Variants in AGO1 observed in about 807,000 individuals in gnomAD.
The protein encoded by AGO1 is argonaute RISC component 1, also known as protein argonaute-1.
Under a neutral mutation model 109.2 loss-of-function variants are expected in AGO1, and 11 were observed. The ratio of observed to expected loss-of-function variants is 0.10; its 90% CI spans 0.06 to 0.17. The LOEUF (loss-of-function observed/expected upper bound fraction) is 0.17. Ranked by LOEUF, AGO1 falls within the 10% of genes least tolerant of loss-of-function variation. The pLI is 1.00. For missense variants in AGO1, 574 were observed against 1,140.3 expected, an observed-to-expected ratio of 0.50 and a Z score of 7.15; for synonymous variants, 422 against 418.6, an observed-to-expected ratio of 1.01 and a Z score of -0.10.
chr1:35,914,148 A>AGC, intron 13 of AGO1, 36 bp from the exon 14 acceptor site: 1 of 1,607,366 alleles, frequency 6.2e-7, no homozygotes, highest in Non-Finnish European at 8.5e-7. Context: ...GAGAAGACCC[A>AGC]GCGCCTCACC....
chr1:35,908,816 C>CTTTTT (rs397861392), intron 12 of AGO1, among the ~76,000 whole-genome samples: 7 of 131,360 alleles, frequency 5.3e-5, no homozygotes, highest in Admixed American at 7.7e-5. Flanking sequence ...TCTAACCTTC[C>CTTTTT]TTTTTTTTTT....
chr1:35,874,193 C>T (rs1370014556), intron 1 of AGO1, among the ~76,000 whole-genome samples: 1 of 152,144 alleles, frequency 6.6e-6, no homozygotes, highest in African/African-American at 2.4e-5. Flanking sequence ...GAGACAGGGT[C>T]TCATTCTGTC....
At chr1:35,909,687 T>G (rs1645597824) in intron 12 of AGO1, among the ~76,000 whole-genome samples, 1 of 152,226 alleles carries the variant, frequency 6.6e-6, no homozygotes. Context: ...ACTACCTTAC[T>G]TGATACTTTG....
rs1037229267 is a variant in AGO1 at position 35,893,099 on chromosome 1, C to T, written c.333C>T (p.Val111=). ...CCCTTTCTTTCACCCTCCTGAAGGTCGACTTTGAGGTGACAATCCCTGGGG... is the reference window on the plus strand; with the variant it reads ...CCCTTTCTTTCACCCTCCTGAAGGTTGACTTTGAGGTGACAATCCCTGGGG... ...VTALPIGNER[V]DFEVTIPGEG... is the part of the protein sequence containing the mutation. The change falls in exon 4 of 19, where the codon GTC becomes GTT. Residue 111 remains valine (V), a splice_region_variant and synonymous_variant. Coordinates refer to ENST00000373204, the MANE Select transcript of AGO1 (RefSeq NM_012199.5). The surrounding 1 kb of genome is among the most constrained non-coding windows in gnomAD (Gnocchi z 5.6). 54 of 1,613,504 alleles carry T rather than the reference C, an allele frequency of 3.3e-5. No homozygotes were observed. Among genetic ancestry groups the T allele is most frequent in the Non-Finnish European group, 4.1e-5 (48 of 1,179,754 alleles).
chr1:35,883,174 G>C, upstream of AGO1: 1 of 1,151,426 alleles, frequency 8.7e-7, no homozygotes, highest in Non-Finnish European at 1.1e-6. The surrounding 1 kb of genome is among the most constrained non-coding windows in gnomAD (Gnocchi z 5.4). Flanking sequence ...GACTCGTTCC[G>C]GTCCGCCCCC....
At chr1:35,892,171 C>G (rs144339695) in intron 2 of AGO1, among the ~76,000 whole-genome samples, 1 of 152,226 alleles carries the variant, frequency 6.6e-6, no homozygotes, top group Non-Finnish European at 1.5e-5. Context: ...AGGTGTGAGC[C>G]ACCATACTTA....
chr1:35,915,635 G>C, intron 15 of AGO1, 93 bp downstream of exon 15: 6 of 1,216,546 alleles, frequency 4.9e-6, no homozygotes, highest in Non-Finnish European at 6.9e-6. Flanking sequence ...TGAGAGGTGT[G>C]TCACTTCTTA....
At chr1:35,895,670 A>G (rs1388731410) in intron 8 of AGO1, among the ~76,000 whole-genome samples, 2 of 152,168 alleles carry the variant, frequency 1.3e-5, no homozygotes, top group Non-Finnish European at 2.9e-5. Flanking sequence ...AATGTAAATC[A>G]TGTTTCTCCA....
At chr1:35,912,083 C>T (rs552440146) in intron 12 of AGO1, among the ~76,000 whole-genome samples, 2 of 152,192 alleles carry the variant, frequency 1.3e-5, no homozygotes, top group South Asian at 4.1e-4. Context: ...TTCGGCCGGG[C>T]GCGGTGGCTC....
chr1:35,891,868 C>CT (rs957515153), intron 2 of AGO1, among the ~76,000 whole-genome samples: 17 of 148,982 alleles, frequency 1.1e-4, no homozygotes, highest in South Asian at 2.2e-4. Context: ...CCTGGCCATC[C>CT]TTTTTTTTTG....
In AGO1 at chr1:35,924,395, T is replaced by C. The variant is rs1472929518; in HGVS notation, c.*4788T>C. On this transcript the variant is annotated 3_prime_UTR_variant, in exon 19 of 19. Transcript: ENST00000373204. ...TTTAGGTGAGAATAATACTGTAGAT[T>C]GTTATGCAGGAATACTTCACAGAGC... 9.2e-5 allele frequency: 14 copies of C among 152,564 alleles called. No homozygotes were observed. Among genetic ancestry groups the C allele is most frequent in the Admixed American group, 9.2e-4 (14 of 15,284 alleles). The allele number at this position is 152,564 out of a possible 1,614,324, so 9.5% of individuals were successfully genotyped here.
At chr1:35,877,125 G>A (rs1187489746) in intron 1 of AGO1, among the ~76,000 whole-genome samples, 3 of 152,220 alleles carry the variant, frequency 2.0e-5, no homozygotes, top group East Asian at 1.9e-4. Context: ...GGGTCAGTTC[G>A]GTTTCAGGCT....
intron 8 of AGO1, among the ~76,000 whole-genome samples, chr1:35,895,914 G>A (rs1323494072): frequency 6.6e-6 from 1 of 152,188 alleles, no homozygotes; most frequent in Non-Finnish European, 1.5e-5. Context: ...CTCAAAAAGT[G>A]TGGTCATGTG....
chr1:35,895,892 C>T (rs560029961), intron 8 of AGO1, among the ~76,000 whole-genome samples: 3 of 152,292 alleles, frequency 2.0e-5, no homozygotes, highest in South Asian at 2.1e-4. Flanking sequence ...TTCATTGTCT[C>T]GTCCAATGCT....
intron 7 of AGO1, 111 bp downstream of exon 7, chr1:35,894,513 A>T (rs1645283218): frequency 9.4e-7 from 1 of 1,063,978 alleles, no homozygotes. Context: ...AGCCTTGGGG[A>T]CTGGCCCTGT....
intron 8 of AGO1, among the ~76,000 whole-genome samples, chr1:35,895,505 A>G (rs1011725999): frequency 6.6e-6 from 1 of 152,190 alleles, no homozygotes; most frequent in African/African-American, 2.4e-5. Flanking sequence ...TTTACTGTTT[A>G]ATAAGTAATT....
At position 35,893,747 on chromosome 1, in the gene AGO1, GT is replaced by G. The variant is rs745945344; in HGVS notation, c.587del (p.Val196AlafsTer16). 6.2e-7 allele frequency: 1 copy of G among 1,613,898 alleles called. No individual in the cohort carries two copies. The highest frequency in any genetic ancestry group is 8.5e-7 in the Non-Finnish European group (1 of 1,179,960). On this transcript the variant is annotated frameshift_variant, in exon 5 of 19. Transcript: ENST00000373204. LOFTEE classifies it high-confidence loss of function. The surrounding 1 kb of genome is among the most constrained non-coding windows in gnomAD (Gnocchi z 5.6). Reference protein sequence around the residue: ...YYHPLGGGREVWFGFHQSVRP... With the variant: ...YYHPLGGGREXWFGFHQSVRP... ...CCACCCGCTGGGGGGTGGGCGCGAG[GT>G]CTGGTTCGGCTTTCACCAGTCTGTG...
chr1:35,886,193 A>G (rs1645116967), intron 1 of AGO1, among the ~76,000 whole-genome samples: 1 of 152,076 alleles, frequency 6.6e-6, no homozygotes, highest in Non-Finnish European at 1.5e-5. Context: ...CCCTAGGCCC[A>G]AGCTTTGTCC....
At position 35,883,966 on chromosome 1, in the gene AGO1, G is replaced by T. The variant is rs1018255525; in HGVS notation, c.25+520G>T. Among the ~76,000 whole-genome samples, 4 of 152,230 alleles carry T rather than the reference G, an allele frequency of 2.6e-5. No individual in the cohort carries two copies. Among genetic ancestry groups the T allele is most frequent in the African/African-American group, 7.2e-5 (3 of 41,462 alleles). ...GCGGTGGGTGGGGACCCAGTCCCGG[G>T]ATTACCCCCCGTGGGTCTGGGGAGT... On this transcript the variant is annotated intron_variant, in intron 1 of 18. Transcript: ENST00000373204. The surrounding 1 kb of genome is among the most constrained non-coding windows in gnomAD (Gnocchi z 5.4).
Sources: gnomAD v4.1 joint callset for allele counts (sites outside exome capture counted in the v4.1 genomes callset) on GRCh38, gnomAD v4.1.1 for gene constraint, Gnocchi (gnomAD v3.1) non-coding constraint, MANE v1.5 for transcripts, NCBI Gene and HGNC (gene_info 2026-07-23, HGNC 2026-07-21) for gene names.